The following CRACD variants were observed in gnomAD, a reference collection of about 807,000 sequenced individuals.
CRACD encodes the protein capping protein inhibiting regulator of actin dynamics, also known as capping protein-inhibiting regulator of actin dynamics.
In CRACD, 56 loss-of-function variants were observed where a neutral mutation model predicts 106.8. That is an observed-to-expected ratio of 0.52 (90% confidence interval 0.42 to 0.66). The LOEUF (loss-of-function observed/expected upper bound fraction) is 0.66. Among genes scored for constraint, CRACD ranks in the 30% least tolerant of loss-of-function variants. The pLI, the probability that CRACD is intolerant of heterozygous loss-of-function variation, is 0.00. For synonymous variants in CRACD, 754 were observed against 670.8 expected (o/e 1.12, Z -1.92); for missense variants, 1,730 against 1,623.2 (o/e 1.07, Z -1.13).
intron 1 of CRACD, among the ~76,000 whole-genome samples, chr4:56,093,191 T>A (rs969067351): frequency 1.3e-5 from 2 of 152,188 alleles, no homozygotes; most frequent in Non-Finnish European, 2.9e-5. Context: ...ATTTTGAGGA[T>A]TAAATCAGAT....
In CRACD at chr4:56,314,539, G is replaced by A. The variant is rs531885178; in HGVS notation, c.1037G>A (p.Arg346Gln). ...GACGCCAGGCTGGAGGAGCGGAGGC[G>A]GCAGGAGGAGGAGGAAGGAAGATGC... Reference protein sequence around the residue: ...EEDARLEERRRQEEEEGRCAE... With the variant: ...EEDARLEERRQQEEEEGRCAE... Residue 346 changes from arginine to glutamine, a missense_variant, in exon 8 of 11, where the codon CGG (arginine) becomes CAG (glutamine). Around this residue, in one of 5 missense-constraint regions of CRACD, gnomAD observed 1,620 missense variants for 1,481.6 expected, o/e 1.09. Transcript: ENST00000682029. The surrounding 1 kb of genome is among the most constrained non-coding windows in gnomAD (Gnocchi z 4.4). The A allele has an allele frequency of 2.0e-6, 3 of 1,508,072 alleles. No individual in the cohort carries two copies. The highest frequency in any genetic ancestry group is 1.4e-5 in the African/African-American group (1 of 71,598). 93.4% of individuals were successfully genotyped at this position (1,508,072 alleles called of 1,614,324 possible). A position where few individuals can be genotyped will look rare whatever the true frequency, so the allele number is the denominator to read the frequency against.
At chr4:56,308,375 A>C (rs1333949467) in intron 5 of CRACD, among the ~76,000 whole-genome samples, 2 of 152,120 alleles carry the variant, frequency 1.3e-5, no homozygotes, top group South Asian at 2.1e-4. Context: ...AAAGCAGCAG[A>C]AAAGATGCCC....
At chr4:56,258,354 T>C (rs916994173) in intron 2 of CRACD, among the ~76,000 whole-genome samples, 7 of 152,240 alleles carry the variant, frequency 4.6e-5, no homozygotes, top group African/African-American at 1.4e-4. Context: ...TATTGATTGA[T>C]GTCTGCTTGT....
At chr4:56,197,817 A>C (rs1014792402) in intron 2 of CRACD, among the ~76,000 whole-genome samples, 4 of 152,030 alleles carry the variant, frequency 2.6e-5, no homozygotes, top group African/African-American at 9.7e-5. Context: ...AGCTGGGACT[A>C]TAGGCACCCG....
At chr4:56,301,526 CATT>C (rs1189869027) in intron 4 of CRACD, among the ~76,000 whole-genome samples, 11 of 151,900 alleles carry the variant, frequency 7.2e-5, no homozygotes, top group Non-Finnish European at 1.2e-4. Context: ...GATTAGCCAC[CATT>C]ATTAAGACAT....
At chr4:56,239,947 T>A (rs1428585530) in intron 2 of CRACD, among the ~76,000 whole-genome samples, 2 of 152,150 alleles carry the variant, frequency 1.3e-5, no homozygotes, top group Non-Finnish European at 2.9e-5. Context: ...ATGAATGAGA[T>A]GAGAGTCAGG....
intron 1 of CRACD, among the ~76,000 whole-genome samples, chr4:56,110,231 T>A (rs901992910): frequency 4.6e-5 from 7 of 152,200 alleles, no homozygotes; most frequent in African/African-American, 9.7e-5. Flanking sequence ...CCTTCAAAAT[T>A]CTGAGGGAAG....
At chr4:56,164,057 G>A (rs1736053298) in intron 1 of CRACD, among the ~76,000 whole-genome samples, 1 of 151,084 alleles carries the variant, frequency 6.6e-6, no homozygotes, top group African/African-American at 2.4e-5. Flanking sequence ...TGTATCTAAT[G>A]GGCATTCTGA....
At chr4:56,106,256 C>T (rs1005555087) in intron 1 of CRACD, among the ~76,000 whole-genome samples, 16 of 152,288 alleles carry the variant, frequency 1.1e-4, no homozygotes, top group African/African-American at 3.9e-4. Context: ...TAAATCCTCT[C>T]CTTTAGACTT....
At chr4:56,218,761 C>T in intron 2 of CRACD, among the ~76,000 whole-genome samples, 1 of 151,986 alleles carries the variant, frequency 6.6e-6, no homozygotes, top group Non-Finnish European at 1.5e-5. Flanking sequence ...TCATAAGCCA[C>T]CATGCCCAGC....
At chr4:56,254,521 C>G (rs1162356321) in intron 2 of CRACD, among the ~76,000 whole-genome samples, 1 of 151,932 alleles carries the variant, frequency 6.6e-6, no homozygotes, top group Non-Finnish European at 1.5e-5. Context: ...TTTCATTCTG[C>G]TACCTCTTGG....
chr4:56,139,431 C>G (rs2109875307), intron 1 of CRACD, among the ~76,000 whole-genome samples: 1 of 152,226 alleles, frequency 6.6e-6, no homozygotes, highest in East Asian at 1.9e-4. Context: ...TCTTTCCTTT[C>G]TACTGCATCC....
At chr4:56,061,069 A>G (rs1732253300) in intron 1 of CRACD, among the ~76,000 whole-genome samples, 1 of 152,234 alleles carries the variant, frequency 6.6e-6, no homozygotes, top group Non-Finnish European at 1.5e-5. Flanking sequence ...CAGAGCAGGG[A>G]GCAGCATAAT....
chr4:56,119,710 C>T (rs1038623224), intron 1 of CRACD, among the ~76,000 whole-genome samples: 4 of 152,138 alleles, frequency 2.6e-5, no homozygotes, highest in African/African-American at 9.7e-5. Flanking sequence ...TTGATGACTT[C>T]TGGAAAGATA....
At position 56,235,827 on chromosome 4, in the gene CRACD, G is replaced by A. The variant is rs189837353; in HGVS notation, c.-188-36494G>A. Among the ~76,000 whole-genome samples the A allele has an allele frequency of 2.3e-3, 353 of 152,270 alleles. 8 individuals carry two copies. The highest frequency in any genetic ancestry group is 0.022 in the Admixed American group (339 of 15,294). ...GAAAACTACATGTATCTATATCTGC[G>A]TAGATGCACATACAAGACAAGGGTT... On this transcript the variant is annotated intron_variant, in intron 2 of 10. Transcript: ENST00000682029.
rs989257728 is a variant in CRACD, at chr4:56,329,048, C to A, written c.*1244C>A. Among the ~76,000 whole-genome samples, 11 of 152,158 alleles carry A rather than the reference C, an allele frequency of 7.2e-5. No homozygotes were observed. Among genetic ancestry groups the A allele is most frequent in the African/African-American group, 2.7e-4 (11 of 41,436 alleles). ...AGCATTTCTAATTTTGAGCATTCACCTTGCTACCTTTAAAAAACATCTGAG... is the reference window on the plus strand; with the variant it reads ...AGCATTTCTAATTTTGAGCATTCACATTGCTACCTTTAAAAAACATCTGAG... On this transcript the variant is annotated 3_prime_UTR_variant, in exon 11 of 11. Transcript: ENST00000682029.
At chr4:56,276,870 A>T (rs1742702442) in intron 3 of CRACD, among the ~76,000 whole-genome samples, 1 of 152,228 alleles carries the variant, frequency 6.6e-6, no homozygotes, top group Non-Finnish European at 1.5e-5. Context: ...AGTGTTTGTT[A>T]CATCATGCAT....
intron 2 of CRACD, among the ~76,000 whole-genome samples, chr4:56,199,681 C>CAAAAAAA (rs372264328): frequency 9.9e-6 from 1 of 101,274 alleles, no homozygotes; most frequent in East Asian, 3.6e-4. Context: ...AACTCCGTCT[C>CAAAAAAA]AAAAAAAAAA....
At chr4:56,066,687 G>A (rs1732476268) in intron 1 of CRACD, among the ~76,000 whole-genome samples, 1 of 152,164 alleles carries the variant, frequency 6.6e-6, no homozygotes, top group African/African-American at 2.4e-5. Context: ...GGATTGTTCT[G>A]CTCTGGCCCT....
Sources: gnomAD v4.1 joint callset for allele counts (sites outside exome capture counted in the v4.1 genomes callset) on GRCh38, gnomAD v4.1.1 for gene constraint, gnomAD v4.1.1 regional missense constraint, Gnocchi (gnomAD v3.1) non-coding constraint, MANE v1.5 for transcripts, NCBI Gene and HGNC (gene_info 2026-07-23, HGNC 2026-07-21) for gene names.